Variants in DRC11 observed in about 807,000 individuals in gnomAD.
DRC11 encodes the protein IQ and AAA domain-containing protein 1.
the DRC11 span, chr2:236,409,115 T>G: frequency 5.0e-6 from 2 of 401,408 alleles, no homozygotes. Context: ...CTAATTTTTT[T>G]TCTTTTTTTG....
the DRC11 span, among the ~76,000 whole-genome samples, chr2:236,429,180 G>T: frequency 6.6e-6 from 1 of 152,214 alleles, no homozygotes; most frequent in Non-Finnish European, 1.5e-5. This position sits in a 1 kb window ranked among gnomAD's most constrained non-coding sequence, Gnocchi z 5.9. Context: ...GGGGTATGTG[G>T]TGGCTCCGAA....
chr2:236,450,739 C>A, the DRC11 span, among the ~76,000 whole-genome samples: 1 of 133,198 alleles, frequency 7.5e-6, no homozygotes, highest in African/African-American at 2.9e-5. Context: ...TCATTTCCAT[C>A]GATTTCTGTC....
the DRC11 span, among the ~76,000 whole-genome samples, chr2:236,482,162 C>G: frequency 6.7e-6 from 1 of 148,210 alleles, no homozygotes; most frequent in Non-Finnish European, 1.5e-5. This position sits in a 1 kb window ranked among gnomAD's most constrained non-coding sequence, Gnocchi z 4.5. Context: ...AATTCTAAAT[C>G]CTGAATTTTT....
the DRC11 span, among the ~76,000 whole-genome samples, chr2:236,396,573 TCAGCAGGTTGC>T: frequency 6.6e-6 from 1 of 152,150 alleles, no homozygotes; most frequent in Admixed American, 6.5e-5. Context: ...TTTGGGCCGG[TCAGCAGGTTGC>T]AAGAGTTGGC....
chr2:236,323,471 G>A, the DRC11 span, among the ~76,000 whole-genome samples: 8 of 152,308 alleles, frequency 5.3e-5, no homozygotes, highest in East Asian at 5.8e-4. The surrounding 1 kb of genome is among the most constrained non-coding windows in gnomAD (Gnocchi z 6.4). Context: ...TGGGGAGTGC[G>A]GAACTGTCCA....
the DRC11 span, chr2:236,392,038 A>C: frequency 1.2e-6 from 2 of 1,613,834 alleles, no homozygotes; most frequent in East Asian, 4.5e-5. The surrounding 1 kb of genome is among the most constrained non-coding windows in gnomAD (Gnocchi z 5.1). Context: ...GCTAGCTTTA[A>C]GTTTTTAAGT....
chr2:236,409,451 T>C, the DRC11 span, among the ~76,000 whole-genome samples: 1 of 152,176 alleles, frequency 6.6e-6, no homozygotes, highest in Admixed American at 6.5e-5. Flanking sequence ...TTTTTGTACA[T>C]TGATTTTGTA....
At chr2:236,323,922 C>A in the DRC11 span, among the ~76,000 whole-genome samples, 1 of 152,098 alleles carries the variant, frequency 6.6e-6, no homozygotes, top group Non-Finnish European at 1.5e-5. The surrounding 1 kb of genome is among the most constrained non-coding windows in gnomAD (Gnocchi z 6.4). Flanking sequence ...TTCACGTCGG[C>A]TTTCCCTTCT....
the DRC11 span, among the ~76,000 whole-genome samples, chr2:236,397,520 G>A: frequency 6.6e-6 from 1 of 152,350 alleles, no homozygotes; most frequent in Middle Eastern, 3.4e-3. The surrounding 1 kb of genome is among the most constrained non-coding windows in gnomAD (Gnocchi z 5.0). Flanking sequence ...CTCAAGGATC[G>A]CAGCTGAGAC....
chr2:236,342,617 A>G, the DRC11 span, among the ~76,000 whole-genome samples: 22 of 152,310 alleles, frequency 1.4e-4, no homozygotes, highest in South Asian at 2.9e-3. The surrounding 1 kb of genome is among the most constrained non-coding windows in gnomAD (Gnocchi z 5.8). Context: ...TGCACGGTGC[A>G]GGCCGAGTGG....
the DRC11 span, among the ~76,000 whole-genome samples, chr2:236,469,545 G>A: frequency 8.5e-5 from 13 of 152,168 alleles, no homozygotes; most frequent in African/African-American, 2.9e-4. This position sits in a 1 kb window ranked among gnomAD's most constrained non-coding sequence, Gnocchi z 5.8. Flanking sequence ...GAGGCTTCCC[G>A]GCTCCTTTAG....
chr2:236,484,282 T>A, the DRC11 span, among the ~76,000 whole-genome samples: 1 of 152,232 alleles, frequency 6.6e-6, no homozygotes, highest in East Asian at 1.9e-4. Context: ...GGTACAATTT[T>A]AAAAGCTACA....
chr2:236,450,025 A>AG, the DRC11 span, among the ~76,000 whole-genome samples: 1 of 152,220 alleles, frequency 6.6e-6, no homozygotes, highest in African/African-American at 2.4e-5. Context: ...ATGCGACTGG[A>AG]GGGAGGAAGA....
At chr2:236,357,388 T>TA in the DRC11 span, among the ~76,000 whole-genome samples, 1 of 97,786 alleles carries the variant, frequency 1.0e-5, no homozygotes, top group Non-Finnish European at 1.9e-5. Context: ...ATAGTATAGA[T>TA]ATTATATAGT....
chr2:236,459,616 A>ATATAT, the DRC11 span, among the ~76,000 whole-genome samples: 4 of 130,876 alleles, frequency 3.1e-5, no homozygotes, highest in African/African-American at 8.4e-5. Context: ...TACGTATATA[A>ATATAT]GTATATACAT....
At chr2:236,459,759 A>C in the DRC11 span, among the ~76,000 whole-genome samples, 6 of 151,142 alleles carry the variant, frequency 4.0e-5, no homozygotes, top group Non-Finnish European at 8.9e-5. Context: ...ATTTCATGGT[A>C]GCTATCTCTA....
the DRC11 span, among the ~76,000 whole-genome samples, chr2:236,395,953 A>G: frequency 6.6e-6 from 1 of 152,340 alleles, no homozygotes; most frequent in East Asian, 1.9e-4. Context: ...CCATGACACG[A>G]TTACTTATGT....
chr2:236,341,483 A>T, the DRC11 span, among the ~76,000 whole-genome samples: 2 of 152,062 alleles, frequency 1.3e-5, no homozygotes, highest in Non-Finnish European at 2.9e-5. Flanking sequence ...GAAATTCTAG[A>T]GGTGTGAGGG....
chr2:236,493,877 T>C, the DRC11 span: 3 of 1,601,688 alleles, frequency 1.9e-6, no homozygotes, highest in Non-Finnish European at 2.6e-6. Context: ...TATGGGAATA[T>C]CTAATTGTTG....
Sources: gnomAD v4.1 joint callset for allele counts (sites outside exome capture counted in the v4.1 genomes callset) on GRCh38, gnomAD v4.1.1 for gene constraint, Gnocchi (gnomAD v3.1) non-coding constraint, MANE v1.5 for transcripts, NCBI Gene and HGNC (gene_info 2026-07-23, HGNC 2026-07-21) for gene names.